Variants in RAD18 observed in about 807,000 individuals in gnomAD.
RAD18 encodes E3 ubiquitin-protein ligase RAD18.
Under a neutral mutation model 60.4 loss-of-function variants are expected in RAD18, and 47 were observed. That is an observed-to-expected ratio of 0.78 (90% CI 0.62 to 0.99). The LOEUF is 0.99. Among genes scored for constraint, RAD18 ranks in the 50% least tolerant of loss-of-function variants. The probability of loss-of-function intolerance (pLI) is 0.00; values close to 1 mark genes in which losing one functional copy is unlikely to be tolerated. For missense variants in RAD18, 640 were observed against 593.3 expected (o/e 1.08, Z -0.82); for synonymous variants, 225 against 195.5 (o/e 1.15, Z -1.26).
At chr3:8,954,973 C>T (rs2124843932) in intron 2 of RAD18, among the ~76,000 whole-genome samples, 1 of 152,252 alleles carries the variant, frequency 6.6e-6, no homozygotes, top group Middle Eastern at 3.4e-3. Context: ...AATAAAAAAT[C>T]ATCATTACTG....
intron 7 of RAD18, among the ~76,000 whole-genome samples, chr3:8,933,675 C>T (rs1036572124): frequency 5.9e-5 from 9 of 152,078 alleles, no homozygotes; most frequent in Non-Finnish European, 1.3e-4. Context: ...AATTGCAAAA[C>T]ATTACTGACA....
In RAD18 at chr3:8,881,366, A is replaced by G; in HGVS notation, c.1479T>C (p.Asn493=). The stretch of plus-strand genomic sequence containing the variant: ...TCAGCAAAAGCCCACATTAATTCCT[A>G]TTACGCTTGTTTCTTGGTTCAATCT... ...SAEIEPRNKR[N]RN The change falls in exon 13 of 13, where the codon AAT becomes AAC. Residue 493 remains asparagine, a synonymous_variant. Transcript: ENST00000264926. 1.9e-6 allele frequency: 3 copies of G among 1,603,362 alleles called. No homozygotes were observed. Among genetic ancestry groups the G allele is most frequent in the Non-Finnish European group, 1.7e-6 (2 of 1,170,300 alleles).
chr3:8,952,971 A>C (rs1940950488), intron 2 of RAD18, among the ~76,000 whole-genome samples: 1 of 152,160 alleles, frequency 6.6e-6, no homozygotes, highest in Non-Finnish European at 1.5e-5. Context: ...TAATATACCT[A>C]TCTCTAGCCT....
At chr3:8,921,831 T>G (rs952931622) in intron 7 of RAD18, among the ~76,000 whole-genome samples, 2 of 152,230 alleles carry the variant, frequency 1.3e-5, no homozygotes, top group African/African-American at 4.8e-5. Context: ...TCTTTTCCAT[T>G]TTTTATTTAT....
In RAD18 at chr3:8,881,368, T is replaced by C; in HGVS notation, c.1477A>G (p.Asn493Asp). 2 of 1,604,372 alleles carry C rather than the reference T, an allele frequency of 1.2e-6. No homozygotes were observed. Among genetic ancestry groups the C allele is most frequent in the Non-Finnish European group, 1.7e-6 (2 of 1,171,144 alleles). Residue 493 changes from asparagine (N) to aspartate (D), a missense_variant, in exon 13 of 13, where the codon AAT becomes GAT. By Grantham distance (23) the Asn-to-Asp change is conservative. Coordinates refer to ENST00000264926, the MANE Select transcript of RAD18 (RefSeq NM_020165.4). ...SAEIEPRNKR[N>D]RN ...AGCAAAAGCCCACATTAATTCCTAT[T>C]ACGCTTGTTTCTTGGTTCAATCTCA...
Position 8,947,219 on chromosome 3 carries a change from C to T in RAD18, c.266+1G>A. The T allele has an allele frequency of 6.3e-7, 1 of 1,593,154 alleles. No homozygotes were observed. Among genetic ancestry groups the T allele is most frequent in the Non-Finnish European group, 8.6e-7 (1 of 1,162,002 alleles). On this transcript the variant is annotated splice_donor_variant, in intron 4 of 12. Transcript: ENST00000264926. LOFTEE classifies it high-confidence loss of function. ...AGGTTAGTCACAAAATTAAATCATA[C>T]CGTGCAAAATTCAAGCTTTTTACCA...
chr3:8,920,558 A>G (rs770924453), intron 7 of RAD18, among the ~76,000 whole-genome samples: 54 of 152,350 alleles, frequency 3.5e-4, no homozygotes, highest in Non-Finnish European at 7.1e-4. Flanking sequence ...GATGTAAAGT[A>G]TAAACCAGAG....
chr3:8,901,138 C>T (rs1939904961), intron 10 of RAD18, among the ~76,000 whole-genome samples: 1 of 152,206 alleles, frequency 6.6e-6, no homozygotes, highest in Non-Finnish European at 1.5e-5. Flanking sequence ...TACCACTTCA[C>T]ATCTACAATT....
chr3:8,888,756 T>A (rs1939627739), intron 12 of RAD18, among the ~76,000 whole-genome samples: 1 of 152,226 alleles, frequency 6.6e-6, no homozygotes, highest in African/African-American at 2.4e-5. Flanking sequence ...CCGAGCTTCC[T>A]TCTCTATAAA....
At chr3:8,893,499 T>C (rs776290037) in intron 11 of RAD18, among the ~76,000 whole-genome samples, 20 of 152,164 alleles carry the variant, frequency 1.3e-4, no homozygotes, top group Admixed American at 2.6e-4. Flanking sequence ...CTCAAACCCC[T>C]ATTTTTAGTA....
intron 7 of RAD18, among the ~76,000 whole-genome samples, chr3:8,914,226 A>G (rs1256184483): frequency 1.3e-5 from 2 of 152,230 alleles, no homozygotes; most frequent in African/African-American, 4.8e-5. Context: ...TCTGGAATAC[A>G]CCCTGTCAAA....
chr3:8,953,528 C>T (rs951043591), intron 2 of RAD18, among the ~76,000 whole-genome samples: 3 of 152,124 alleles, frequency 2.0e-5, no homozygotes, highest in Non-Finnish European at 4.4e-5. Flanking sequence ...ACTATGACAA[C>T]CCTTCCATTC....
Position 8,936,035 on chromosome 3 carries a change from G to A in RAD18, c.725C>T (p.Pro242Leu), listed in dbSNP as rs200605306. 9.9e-5 allele frequency: 158 copies of A among 1,590,826 alleles called. No homozygotes were observed. The highest frequency in any genetic ancestry group is 9.0e-4 in the South Asian group (78 of 86,552). The change falls in exon 7 of 13, where the codon CCG becomes CTG. Residue 242 changes from proline (P) to leucine (L), a missense_variant. Pro to Leu is a moderately conservative substitution (Grantham distance 98). Transcript: ENST00000264926. Reference protein sequence around the residue: ...SLRSSVHKRKPLPKTVYNLLS... With the variant: ...SLRSSVHKRKLLPKTVYNLLS... ...CAAATTATATACAGTTTTGGGCAGC[G>A]GCTTCCTTTTGTGAACAGAACTGAA...
intron 7 of RAD18, among the ~76,000 whole-genome samples, chr3:8,935,077 A>G (rs1293739758): frequency 2.0e-5 from 3 of 152,220 alleles, no homozygotes; most frequent in African/African-American, 7.2e-5. Flanking sequence ...GGGAGGGGGC[A>G]GATAGGGCTT....
intron 7 of RAD18, among the ~76,000 whole-genome samples, chr3:8,921,556 G>A (rs1375805219): frequency 6.6e-6 from 1 of 152,026 alleles, no homozygotes; most frequent in Non-Finnish European, 1.5e-5. Context: ...GCTGAAACAG[G>A]AGGATTCCTG....
intron 4 of RAD18, chr3:8,946,858 A>T (rs1940847530): frequency 5.5e-6 from 1 of 181,944 alleles, no homozygotes; most frequent in Non-Finnish European, 1.1e-5. Flanking sequence ...CAACAAGCAT[A>T]CCCAGCACCA....
chr3:8,921,501 C>T (rs1292827887), intron 7 of RAD18, among the ~76,000 whole-genome samples: 1 of 152,016 alleles, frequency 6.6e-6, no homozygotes, highest in Non-Finnish European at 1.5e-5. Context: ...AACAAACAAA[C>T]AAAAATTAGC....
chr3:8,936,479 T>G (rs1305286150), intron 6 of RAD18, among the ~76,000 whole-genome samples: 1 of 152,220 alleles, frequency 6.6e-6, no homozygotes, highest in Non-Finnish European at 1.5e-5. Flanking sequence ...AAAGTACCAA[T>G]GACTTAAGCA....
At chr3:8,935,475 G>A (rs428961) in intron 7 of RAD18, among the ~76,000 whole-genome samples, 76,050 of 151,890 alleles carry the variant, frequency 0.5, 22,459 homozygotes, top group Middle Eastern at 0.71. Context: ...TTATGAAGTG[G>A]GTAGTTATTA....
Sources: allele counts gnomAD v4.1 joint callset (sites outside exome capture counted in the v4.1 genomes callset), GRCh38; gene constraint gnomAD v4.1.1; transcripts MANE v1.5; gene names NCBI Gene and HGNC (gene_info 2026-07-23, HGNC 2026-07-21).